Variants in MAN2A1 observed in about 807,000 individuals in gnomAD.
MAN2A1 encodes the protein mannosidase alpha class 2A member 1, also known as alpha-mannosidase 2.
A neutral mutation model predicts 142.6 loss-of-function variants in MAN2A1; 76 were observed. The ratio of observed to expected loss-of-function variants is 0.53; its 90% CI spans 0.44 to 0.65. The LOEUF (loss-of-function observed/expected upper bound fraction) is 0.65, where lower values mean the gene tolerates loss of function less well. Among genes scored for constraint, MAN2A1 ranks in the 30% least tolerant of loss-of-function variants. The pLI is 0.00. For missense variants in MAN2A1, 1,311 were observed against 1,365.1 expected (o/e 0.96, Z 0.62); for synonymous variants, 559 against 473.2 (o/e 1.18, Z -2.35).
At chr5:109,733,836 G>A (rs924726380) in intron 4 of MAN2A1, among the ~76,000 whole-genome samples, 1 of 152,126 alleles carries the variant, frequency 6.6e-6, no homozygotes, top group African/African-American at 2.4e-5. Context: ...TTTTGGTTGT[G>A]TCTCTGTCAG....
At chr5:109,732,317 G>C (rs550959059) in intron 4 of MAN2A1, among the ~76,000 whole-genome samples, 1 of 151,868 alleles carries the variant, frequency 6.6e-6, no homozygotes. Flanking sequence ...TAGGTTGCCT[G>C]TTCACTCTGA....
chr5:109,760,772 C>G (rs570857746), intron 5 of MAN2A1, among the ~76,000 whole-genome samples: 2 of 151,998 alleles, frequency 1.3e-5, no homozygotes, highest in African/African-American at 4.8e-5. Flanking sequence ...GCATAAATGT[C>G]TTCTTTTGAG....
intron 12 of MAN2A1, among the ~76,000 whole-genome samples, chr5:109,805,019 G>T (rs550980636): frequency 1.4e-3 from 220 of 152,234 alleles, no homozygotes; most frequent in Non-Finnish European, 2.6e-3. Context: ...CATTCCTTAT[G>T]CAGTCACCCA....
chr5:109,733,124 A>C (rs1302719178), intron 4 of MAN2A1, among the ~76,000 whole-genome samples: 26 of 152,248 alleles, frequency 1.7e-4, no homozygotes, highest in African/African-American at 5.8e-4. Context: ...TCTTTGAAGC[A>C]ATTGTGAATG....
intron 19 of MAN2A1, among the ~76,000 whole-genome samples, chr5:109,848,783 A>G (rs1289191926): frequency 1.3e-5 from 2 of 152,184 alleles, no homozygotes; most frequent in Non-Finnish European, 2.9e-5. Context: ...CTTCTATTAA[A>G]AGTAGAAATG....
chr5:109,692,506 T>C (rs1401528585), intron 1 of MAN2A1, among the ~76,000 whole-genome samples: 2 of 152,120 alleles, frequency 1.3e-5, no homozygotes, highest in Non-Finnish European at 2.9e-5. Context: ...AGCCTTCGTA[T>C]CTTACAGGGT....
chr5:109,820,077 C>T (rs1561528536), intron 14 of MAN2A1, 143 bp from the exon 15 acceptor site: 5 of 802,414 alleles, frequency 6.2e-6, no homozygotes, highest in Non-Finnish European at 9.7e-6. Flanking sequence ...CTGTGGGTGG[C>T]GCTACTCCGT....
At chr5:109,696,759 A>G (rs138814634) in intron 1 of MAN2A1, among the ~76,000 whole-genome samples, 7 of 152,340 alleles carry the variant, frequency 4.6e-5, no homozygotes, top group African/African-American at 9.6e-5. Flanking sequence ...CCTCTTCTTT[A>G]TACCCAGTAC....
intron 3 of MAN2A1, among the ~76,000 whole-genome samples, chr5:109,716,701 T>A (rs1403686047): frequency 6.6e-6 from 1 of 152,166 alleles, no homozygotes; most frequent in African/African-American, 2.4e-5. Flanking sequence ...TGGTGTTGAT[T>A]GGTTTCAGGC....
chr5:109,692,555 G>A (rs1281701419), intron 1 of MAN2A1, among the ~76,000 whole-genome samples: 3 of 152,060 alleles, frequency 2.0e-5, no homozygotes, highest in Non-Finnish European at 2.9e-5. Flanking sequence ...ACTGAGGCAC[G>A]GAGAGATTAA....
rs1436038234 is a variant in MAN2A1 at position 109,713,588 on chromosome 5, C to A, written c.204C>A (p.Ile68=). ...GTTTGCTAGCTGAGAATAATGAGAT[C>A]ATCTCAAATATTAGAGACTCAGTCA... The part of the protein sequence containing the change: ...LERLLAENNE[I]ISNIRDSVIN... Residue 68 remains isoleucine (I), a synonymous_variant, in exon 2 of 22, where the codon ATC becomes ATA. Transcript: ENST00000261483. The A allele has an allele frequency of 1.1e-5, 17 of 1,613,332 alleles. No homozygotes were observed. In the African/African-American group the frequency reaches 2.1e-4, roughly 20 times the overall value.
Position 109,729,364 on chromosome 5 carries a change from C to G in MAN2A1, c.558C>G (p.Asp186Glu), listed in dbSNP as rs755894814. The G allele has an allele frequency of 1.9e-6, 3 of 1,603,040 alleles. No individual in the cohort carries two copies. In the African/African-American group the frequency reaches 4.0e-5, roughly 22 times the overall value. Residue 186 changes from aspartate (D) to glutamate (E), a missense_variant, in exon 4 of 22, where the codon GAC (aspartate) becomes GAG (glutamate). By Grantham distance (45) the Asp-to-Glu change is conservative (BLOSUM62 2). This residue lies in a region of MAN2A1 where 409 missense variants were observed against 412.7 expected (regional missense o/e 0.99). Coordinates refer to ENST00000261483, the MANE Select transcript of MAN2A1 (RefSeq NM_002372.4). ...NDPGWLKTFN[D>E]YFRDKTQYIF... ...TAGGTTGGTTGAAGACTTTCAATGA[C>G]TACTTTAGAGACAAGACTCAGTATA...
chr5:109,732,124 A>G (rs1751931963), intron 4 of MAN2A1, among the ~76,000 whole-genome samples: 1 of 150,778 alleles, frequency 6.6e-6, no homozygotes, highest in South Asian at 2.1e-4. Context: ...GATGGTGAGC[A>G]TTTTTTCATG....
intron 1 of MAN2A1, among the ~76,000 whole-genome samples, chr5:109,698,825 A>G (rs1750889473): frequency 6.6e-6 from 1 of 152,162 alleles, no homozygotes; most frequent in African/African-American, 2.4e-5. Context: ...TTCAAATGAC[A>G]TAGAAAGGTA....
At chr5:109,714,278 G>A (rs1380502362) in intron 2 of MAN2A1, among the ~76,000 whole-genome samples, 1 of 151,866 alleles carries the variant, frequency 6.6e-6, no homozygotes, top group African/African-American at 2.4e-5. Flanking sequence ...TGGCTACTGA[G>A]CACTTGAAAT....
chr5:109,749,996 G>T (rs1193859721), intron 4 of MAN2A1, among the ~76,000 whole-genome samples: 1 of 151,866 alleles, frequency 6.6e-6, no homozygotes, highest in Non-Finnish European at 1.5e-5. Flanking sequence ...TTTAAGTATG[G>T]TCCTTTTTTA....
chr5:109,860,958 T>A (rs925480016), intron 20 of MAN2A1, among the ~76,000 whole-genome samples: 2 of 152,226 alleles, frequency 1.3e-5, no homozygotes, highest in Admixed American at 1.3e-4. Flanking sequence ...TTATTTTACA[T>A]CAAAAATATT....
At chr5:109,753,027 T>C (rs1377723396) in intron 4 of MAN2A1, among the ~76,000 whole-genome samples, 1 of 152,194 alleles carries the variant, frequency 6.6e-6, no homozygotes, top group Admixed American at 6.5e-5. Flanking sequence ...TTCCACTTAA[T>C]TTTTAGTTTT....
intron 18 of MAN2A1, among the ~76,000 whole-genome samples, chr5:109,847,063 G>T (rs1405016210): frequency 6.6e-6 from 1 of 152,036 alleles, no homozygotes; most frequent in African/African-American, 2.4e-5. Flanking sequence ...TGTTCAATCT[G>T]TAAAATATTG....
Sources: allele counts gnomAD v4.1 joint callset (sites outside exome capture counted in the v4.1 genomes callset), GRCh38; gene constraint gnomAD v4.1.1; regional missense constraint gnomAD v4.1.1; transcripts MANE v1.5; gene names NCBI Gene and HGNC (gene_info 2026-07-23, HGNC 2026-07-21).